Variants in UNC5C observed in about 807,000 individuals in gnomAD.
UNC5C encodes the protein netrin receptor UNC5C.
Under a neutral mutation model 99.8 loss-of-function variants are expected in UNC5C, and 47 were observed. The ratio of observed to expected loss-of-function variants is 0.47; its 90% CI spans 0.37 to 0.60. The LOEUF (loss-of-function observed/expected upper bound fraction) is 0.60, where lower values mean the gene tolerates loss of function less well. Among genes scored for constraint, UNC5C ranks in the 20% least tolerant of loss-of-function variants. The pLI is 0.00. For synonymous variants in UNC5C, 487 were observed against 452.2 expected, an observed-to-expected ratio of 1.08 and a Z score of -0.98; for missense variants, 1,062 against 1,165.9, an observed-to-expected ratio of 0.91 and a Z score of 1.30.
At chr4:95,416,206 GAAAC>G (rs1746160815) in intron 1 of UNC5C, among the ~76,000 whole-genome samples, 1 of 152,140 alleles carries the variant, frequency 6.6e-6, no homozygotes, top group Non-Finnish European at 1.5e-5. Flanking sequence ...AGAGACCAAG[GAAAC>G]ATCTGTCAGT....
intron 1 of UNC5C, among the ~76,000 whole-genome samples, chr4:95,458,193 A>G (rs11736861): frequency 0.55 from 83,845 of 151,856 alleles, 23,480 homozygotes; most frequent in East Asian, 0.68. Context: ...AGAAGTTTCA[A>G]ATGAACCAAA....
rs560200708 is a variant in UNC5C at position 95,348,358 on chromosome 4, T to TC, written c.125-12728dup. Among the ~76,000 whole-genome samples, 215 of 151,604 alleles carry TC rather than the reference T, an allele frequency of 1.4e-3. 1 individual carries two copies. The highest frequency in any genetic ancestry group is 5.0e-3 in the African/African-American group (206 of 41,366). ...CCACTATGGAGAATGGTTTGGAGGTTCCCCAAAAAACTAAAAATAGAACTA... is the reference window on the plus strand; with the variant it reads ...CCACTATGGAGAATGGTTTGGAGGTTCCCCCAAAAAACTAAAAATAGAACTA... On this transcript the variant is annotated intron_variant, in intron 1 of 15. Coordinates refer to ENST00000453304, the MANE Select transcript of UNC5C (RefSeq NM_003728.4).
chr4:95,449,339 A>G (rs1210065851), intron 1 of UNC5C, among the ~76,000 whole-genome samples: 1 of 152,190 alleles, frequency 6.6e-6, no homozygotes, highest in Non-Finnish European at 1.5e-5. Context: ...TCATGAAACC[A>G]GCCCCTTTAA....
intron 1 of UNC5C, among the ~76,000 whole-genome samples, chr4:95,395,614 A>G (rs1210747180): frequency 6.6e-6 from 1 of 152,180 alleles, no homozygotes; most frequent in Admixed American, 6.5e-5. Flanking sequence ...TAAAGTTTTC[A>G]TCTATATTAC....
At chr4:95,539,936 T>C (rs1722874192) in intron 1 of UNC5C, among the ~76,000 whole-genome samples, 2 of 152,086 alleles carry the variant, frequency 1.3e-5, no homozygotes, top group Non-Finnish European at 2.9e-5. Context: ...TTTTTTTTTT[T>C]TTACCATGTA....
At chr4:95,302,614 C>A (rs924930186) in intron 2 of UNC5C, among the ~76,000 whole-genome samples, 4 of 152,230 alleles carry the variant, frequency 2.6e-5, no homozygotes, top group Non-Finnish European at 4.4e-5. Flanking sequence ...AACTCACACA[C>A]TTCCAGCATG....
Position 95,546,515 on chromosome 4 carries a change from T to C in UNC5C, c.124+2219A>G, listed in dbSNP as rs560444592. Among the ~76,000 whole-genome samples the C allele has an allele frequency of 2.0e-4, 30 of 152,316 alleles. No homozygotes were observed. In the South Asian group the frequency reaches 5.8e-3, roughly 29 times the overall value. On this transcript the variant is annotated intron_variant, in intron 1 of 15. Coordinates refer to ENST00000453304, the MANE Select transcript of UNC5C (RefSeq NM_003728.4). ...GATAACAAAGATAAAAGCGGTGGAA[T>C]AGTGCATTTTACAGACCATGAGATT...
chr4:95,408,233 T>C (rs112142004), intron 1 of UNC5C, among the ~76,000 whole-genome samples: 1,954 of 152,276 alleles, frequency 0.013, 44 homozygotes, highest in African/African-American at 0.045. Context: ...TTCAGATGCT[T>C]CTGAAATATC....
rs140316605 is a variant in UNC5C, at chr4:95,290,323, G to A, written c.490+11283C>T. On this transcript the variant is annotated intron_variant, in intron 3 of 15. Transcript: ENST00000453304. ...CCTGTCTCTGAAAAAACAAATTAAAGAAATAAAAAGTTTGGTGGTGTTTTT... is the reference window on the plus strand; with the variant it reads ...CCTGTCTCTGAAAAAACAAATTAAAAAAATAAAAAGTTTGGTGGTGTTTTT... Among the ~76,000 whole-genome samples the A allele has an allele frequency of 2.9e-3, 381 of 133,438 alleles. 1 individual carries two copies. The highest frequency in any genetic ancestry group is 0.011 in the African/African-American group (351 of 31,878). The allele number at this position is 133,438 out of a possible 152,430, so 87.5% of individuals were successfully genotyped here. A position where few individuals can be genotyped will look rare whatever the true frequency, so the allele number is the denominator to read the frequency against.
intron 1 of UNC5C, among the ~76,000 whole-genome samples, chr4:95,454,301 T>G (rs1747370383): frequency 6.6e-6 from 1 of 152,074 alleles, no homozygotes; most frequent in Non-Finnish European, 1.5e-5. Flanking sequence ...ATTCTCCATA[T>G]GCAGAAAAAG....
chr4:95,194,350 T>C (rs1186634770), intron 12 of UNC5C, among the ~76,000 whole-genome samples: 1 of 152,214 alleles, frequency 6.6e-6, no homozygotes, highest in East Asian at 1.9e-4. Flanking sequence ...ATTAGTTTTC[T>C]ACTGTTGCCA....
intron 1 of UNC5C, among the ~76,000 whole-genome samples, chr4:95,462,002 C>T (rs1230340585): frequency 6.6e-6 from 1 of 151,876 alleles, no homozygotes; most frequent in African/African-American, 2.4e-5. Flanking sequence ...TTTAGTGATT[C>T]CCACAATCCT....
intron 1 of UNC5C, among the ~76,000 whole-genome samples, chr4:95,542,450 G>A (rs1722942933): frequency 1.3e-5 from 2 of 152,154 alleles, no homozygotes; most frequent in African/African-American, 4.8e-5. Flanking sequence ...CACTTTCAAA[G>A]CTATAGCTCA....
At position 95,301,739 on chromosome 4, in the gene UNC5C, G is replaced by A. The variant is rs757737562; in HGVS notation, c.357C>T (p.Val119=). 1.3e-5 allele frequency: 21 copies of A among 1,612,508 alleles called. No individual in the cohort carries two copies. The highest frequency in any genetic ancestry group is 1.6e-5 in the Non-Finnish European group (19 of 1,179,972). Residue 119 remains valine, a synonymous_variant, in exon 3 of 16, where the codon GTC becomes GTT. Coordinates refer to ENST00000453304, the MANE Select transcript of UNC5C (RefSeq NM_003728.4). ...GCGAAATCTCAATGCTCACTTCCCG[G>A]ACAATGAGACCTGACAAGAGAAAAA... The part of the protein sequence containing the change: ...ERVDETSGLI[V]REVSIEISRQ...
intron 1 of UNC5C, among the ~76,000 whole-genome samples, chr4:95,488,409 C>A (rs901683161): frequency 6.6e-6 from 1 of 151,734 alleles, no homozygotes; most frequent in East Asian, 1.9e-4. Flanking sequence ...AATAGTCCAG[C>A]TCTCCGTAGC....
At chr4:95,524,242 A>G (rs1159254879) in intron 1 of UNC5C, among the ~76,000 whole-genome samples, 1 of 152,210 alleles carries the variant, frequency 6.6e-6, no homozygotes, top group African/African-American at 2.4e-5. Context: ...CTAACCCTGC[A>G]TTTAGCTAAG....
chr4:95,278,654 AT>A (rs1255281864), intron 3 of UNC5C, among the ~76,000 whole-genome samples: 1 of 151,620 alleles, frequency 6.6e-6, no homozygotes, highest in East Asian at 1.9e-4. Context: ...TTTTAAAAAA[AT>A]TTTTTGTAGA....
chr4:95,542,344 G>T (rs1722941125), intron 1 of UNC5C, among the ~76,000 whole-genome samples: 1 of 152,108 alleles, frequency 6.6e-6, no homozygotes, highest in Non-Finnish European at 1.5e-5. Flanking sequence ...ATTTTCAGAT[G>T]TTATACTTCA....
chr4:95,393,907 C>T (rs529044379), intron 1 of UNC5C, among the ~76,000 whole-genome samples: 2 of 150,392 alleles, frequency 1.3e-5, no homozygotes, highest in Non-Finnish European at 3.0e-5. Context: ...AGACACAAAG[C>T]CTAGAGGACA....
Sources: allele counts gnomAD v4.1 joint callset (sites outside exome capture counted in the v4.1 genomes callset), GRCh38; gene constraint gnomAD v4.1.1; transcripts MANE v1.5; gene names NCBI Gene and HGNC (gene_info 2026-07-23, HGNC 2026-07-21).